The following MYO5B variants were observed in gnomAD, a reference collection of about 807,000 sequenced individuals.
MYO5B encodes the protein myosin VB, also known as unconventional myosin-Vb.
In MYO5B, 143 loss-of-function variants were observed where a neutral mutation model predicts 229.3. The ratio of observed to expected loss-of-function variants is 0.62; its 90% CI spans 0.54 to 0.72. MYO5B has a LOEUF of 0.72. MYO5B is among the 30% of genes least tolerant of loss of function. MYO5B has a pLI of 0.00. For synonymous variants in MYO5B, 918 were observed against 885.2 expected, an observed-to-expected ratio of 1.04 and a Z score of -0.66; for missense variants, 2,321 against 2,331.0, an observed-to-expected ratio of 1.00 and a Z score of 0.09.
At chr18:50,035,368 C>G (rs893906320) in intron 4 of MYO5B, among the ~76,000 whole-genome samples, 1 of 152,188 alleles carries the variant, frequency 6.6e-6, no homozygotes, top group South Asian at 2.1e-4. Context: ...AGAACCAAGC[C>G]ACATCTACCT....
intron 1 of MYO5B, among the ~76,000 whole-genome samples, chr18:50,144,431 A>G (rs1242456339): frequency 6.6e-6 from 1 of 152,118 alleles, no homozygotes; most frequent in Non-Finnish European, 1.5e-5. Context: ...CCCTTCACTT[A>G]AAAGAGGATA....
chr18:49,836,639 C>T lies in MYO5B; in HGVS notation c.5313+72G>A, dbSNP rs621101. On this transcript the variant is annotated intron_variant, in intron 38 of 39. Coordinates refer to ENST00000285039, the MANE Select transcript of MYO5B (RefSeq NM_001080467.3). ...TGCAACACTAACAAATAACCACCAACGAGAACAGACTTGGAATGGACTCAG... is the reference window on the plus strand; with the variant it reads ...TGCAACACTAACAAATAACCACCAATGAGAACAGACTTGGAATGGACTCAG... The T allele has an allele frequency of 0.45, 708,346 of 1,565,058 alleles. 166,382 individuals carry two copies. Among genetic ancestry groups the T allele is most frequent in the Middle Eastern group, 0.49 (2,905 of 5,954 alleles).
intron 14 of MYO5B, among the ~76,000 whole-genome samples, chr18:49,951,324 C>CT (rs2025429018): frequency 2.0e-5 from 3 of 152,106 alleles, no homozygotes; most frequent in African/African-American, 7.2e-5. Flanking sequence ...TGGGGGTGGT[C>CT]CTGGGGGCCA....
chr18:49,893,475 C>T (rs1316291058), intron 22 of MYO5B, among the ~76,000 whole-genome samples: 1 of 152,174 alleles, frequency 6.6e-6, no homozygotes, highest in African/African-American at 2.4e-5. Flanking sequence ...GACTTGTAGA[C>T]ACATTTAACA....
chr18:49,913,875 C>A (rs921515865), intron 17 of MYO5B, among the ~76,000 whole-genome samples: 2 of 152,076 alleles, frequency 1.3e-5, no homozygotes, highest in African/African-American at 4.8e-5. Context: ...GAAAGAGCAT[C>A]TGAACACTGA....
chr18:50,191,001 G>A (rs997301351), intron 1 of MYO5B, among the ~76,000 whole-genome samples: 19 of 152,154 alleles, frequency 1.2e-4, no homozygotes, highest in Admixed American at 1.2e-3. Flanking sequence ...AAAAATAAAA[G>A]GGAACATTGG....
rs1051156054 is a variant in MYO5B, at chr18:49,837,761, C to G, written c.4894G>C (p.Gly1632Arg). ...LENESIQGLS[G>R]VKPTGYRKRS... is the part of the protein sequence containing the mutation. ...TTCCGGTAGCCGGTGGGCTTCACACCAGATAGACCCTGAATGCTCTCATTT... is the reference window on the plus strand; with the variant it reads ...TTCCGGTAGCCGGTGGGCTTCACACGAGATAGACCCTGAATGCTCTCATTT... The change falls in exon 37 of 40, where the codon GGT (glycine) becomes CGT (arginine). Residue 1632 changes from glycine to arginine, a missense_variant. By Grantham distance (125) the Gly-to-Arg change is moderately radical. Transcript: ENST00000285039. 6.2e-7 allele frequency: 1 copy of G among 1,614,186 alleles called. No homozygotes were observed. Among genetic ancestry groups the G allele is most frequent in the Non-Finnish European group, 8.5e-7 (1 of 1,180,034 alleles).
intron 17 of MYO5B, among the ~76,000 whole-genome samples, 188 bp downstream of exon 17, chr18:49,929,324 A>C (rs1340183646): frequency 6.6e-6 from 1 of 152,200 alleles, no homozygotes; most frequent in African/African-American, 2.4e-5. Flanking sequence ...TGTGACTGCT[A>C]ACCTTCCCAA....
intron 1 of MYO5B, among the ~76,000 whole-genome samples, chr18:50,140,533 G>A (rs763661206): frequency 2.6e-5 from 4 of 152,148 alleles, no homozygotes; most frequent in African/African-American, 4.8e-5. Context: ...ACCCGCTATA[G>A]GAAGAAAATC....
intron 10 of MYO5B, among the ~76,000 whole-genome samples, chr18:49,964,009 T>C (rs2025593285): frequency 6.6e-6 from 1 of 152,190 alleles, no homozygotes; most frequent in South Asian, 2.1e-4. Flanking sequence ...CAGAGATGCA[T>C]CATCATTTAA....
chr18:50,064,543 G>A (rs2030772214), intron 1 of MYO5B: 1 of 152,176 alleles, frequency 6.6e-6, no homozygotes, highest in African/African-American at 2.4e-5. Context: ...AGTCACTTAA[G>A]ATAGTTTTCC....
At chr18:49,907,439 C>A (rs1298199016) in intron 18 of MYO5B, among the ~76,000 whole-genome samples, 3 of 152,202 alleles carry the variant, frequency 2.0e-5, no homozygotes, top group Non-Finnish European at 4.4e-5. Flanking sequence ...CCTGGGCTCA[C>A]CCCTTTGGAT....
intron 33 of MYO5B, among the ~76,000 whole-genome samples, chr18:49,845,710 ACT>A (rs1292417586): frequency 6.7e-6 from 1 of 149,438 alleles, no homozygotes; most frequent in Non-Finnish European, 1.5e-5. Context: ...TTCCCACAGG[ACT>A]CTCTCCTCTA....
At chr18:49,928,469 C>A (rs1378035824) in intron 17 of MYO5B, among the ~76,000 whole-genome samples, 1 of 152,194 alleles carries the variant, frequency 6.6e-6, no homozygotes, top group Non-Finnish European at 1.5e-5. Flanking sequence ...CATGGTAAAA[C>A]TCCATCTTTA....
intron 3 of MYO5B, 144 bp downstream of exon 3, chr18:50,039,999 G>T: frequency 1.1e-6 from 1 of 922,628 alleles, no homozygotes; most frequent in Non-Finnish European, 1.7e-6. Context: ...CACATTCACT[G>T]ATTGCAAACC....
At chr18:50,056,685 G>A (rs960985598) in intron 1 of MYO5B, among the ~76,000 whole-genome samples, 2 of 151,744 alleles carry the variant, frequency 1.3e-5, no homozygotes, top group South Asian at 2.1e-4. Flanking sequence ...GTGCACATGC[G>A]GCCAGCTGGC....
chr18:49,879,337 A>T, intron 23 of MYO5B: 2 of 526,458 alleles, frequency 3.8e-6, no homozygotes, highest in Non-Finnish European at 6.8e-6. Flanking sequence ...TTGGCAGCGT[A>T]GGTGAGAATT....
chr18:50,119,856 T>C (rs1315316784), intron 1 of MYO5B, among the ~76,000 whole-genome samples: 1 of 152,228 alleles, frequency 6.6e-6, no homozygotes, highest in African/African-American at 2.4e-5. Context: ...ATTAGTTTGC[T>C]GTGATACCTT....
intron 12 of MYO5B, among the ~76,000 whole-genome samples, chr18:49,961,599 G>A (rs1345714345): frequency 6.6e-6 from 1 of 152,240 alleles, no homozygotes; most frequent in East Asian, 1.9e-4. Flanking sequence ...CATCCCTGGA[G>A]GAACTGGTAT....
Sources: allele counts gnomAD v4.1 joint callset (sites outside exome capture counted in the v4.1 genomes callset), GRCh38; gene constraint gnomAD v4.1.1; transcripts MANE v1.5; gene names NCBI Gene and HGNC (gene_info 2026-07-23, HGNC 2026-07-21).